Variants in IFFO2 observed in about 807,000 individuals in gnomAD.
IFFO2 encodes the protein intermediate filament family orphan 2.
A neutral mutation model predicts 53.5 loss-of-function variants in IFFO2; 19 were observed. That is an observed-to-expected ratio of 0.36 (90% CI 0.25 to 0.52). The LOEUF is 0.52. Among genes scored for constraint, IFFO2 ranks in the 20% least tolerant of loss-of-function variants. The probability of loss-of-function intolerance (pLI) is 0.94; values close to 1 mark genes in which losing one functional copy is unlikely to be tolerated. For synonymous variants in IFFO2, 303 were observed against 313.6 expected (o/e 0.97, Z 0.36); for missense variants, 570 against 727.4 (o/e 0.78, Z 2.49).
rs1198710976 is a variant in IFFO2 at position 18,906,000 on chromosome 1, T to C, written c.*2561A>G. ...TCTTTCTTGGCAAGCTGTGGGCTCA[T>C]GGTGAGGGGACAAGCAGGGCCCACT... On this transcript the variant is annotated 3_prime_UTR_variant, in exon 9 of 9. Coordinates refer to ENST00000455833, the MANE Select transcript of IFFO2 (RefSeq NM_001136265.2). 6.6e-6 allele frequency: 1 copy of C among 152,176 alleles called. No homozygotes were observed. Among genetic ancestry groups the C allele is most frequent in the African/African-American group, 2.4e-5 (1 of 41,418 alleles). 9.4% of individuals were successfully genotyped at this position (152,176 alleles called of 1,614,324 possible). A position where few individuals can be genotyped will look rare whatever the true frequency, so the allele number is the denominator to read the frequency against.
At position 18,918,065 on chromosome 1, in the gene IFFO2, G is replaced by T. The variant is rs914469952; in HGVS notation, c.963+297C>A. On this transcript the variant is annotated intron_variant, in intron 4 of 8. Coordinates refer to ENST00000455833, the MANE Select transcript of IFFO2 (RefSeq NM_001136265.2). The surrounding 1 kb of genome is among the most constrained non-coding windows in gnomAD (Gnocchi z 5.2). Reference sequence around the variant, plus strand: ...GGTACAGTGTGGGCTGGTGAACCAAGCCCTGGAGGGGCAGGAGACTGATTT... The same window carrying T: ...GGTACAGTGTGGGCTGGTGAACCAATCCCTGGAGGGGCAGGAGACTGATTT... Among the ~76,000 whole-genome samples, 1 of 152,210 alleles carries T rather than the reference G, an allele frequency of 6.6e-6. No individual in the cohort carries two copies. The highest frequency in any genetic ancestry group is 1.5e-5 in the Non-Finnish European group (1 of 68,040).
chr1:18,925,840 ATGGATGGATGGAT>A (rs1936277968), intron 1 of IFFO2, among the ~76,000 whole-genome samples: 1 of 62,426 alleles, frequency 1.6e-5, no homozygotes, highest in Non-Finnish European at 3.3e-5. Context: ...GGATGGATGG[ATGGATGGATGGAT>A]TGGTTGGATG....
At chr1:18,935,193 C>T (rs1426342440) in intron 1 of IFFO2, among the ~76,000 whole-genome samples, 2 of 152,194 alleles carry the variant, frequency 1.3e-5, no homozygotes, top group Non-Finnish European at 1.5e-5. Flanking sequence ...CCGTTGGGTG[C>T]AGGAAGACTC....
At chr1:18,937,392 C>G (rs1936463899) in intron 1 of IFFO2, among the ~76,000 whole-genome samples, 1 of 152,182 alleles carries the variant, frequency 6.6e-6, no homozygotes, top group Non-Finnish European at 1.5e-5. Flanking sequence ...GGGATGGACT[C>G]ATTACTTAAT....
At chr1:18,950,968 G>T (rs1936652625) in intron 1 of IFFO2, among the ~76,000 whole-genome samples, 1 of 152,156 alleles carries the variant, frequency 6.6e-6, no homozygotes, top group African/African-American at 2.4e-5. Flanking sequence ...ACAAAGCCTC[G>T]ACTGCTGGCG....
At chr1:18,933,574 T>G (rs1936407671) in intron 1 of IFFO2, among the ~76,000 whole-genome samples, 1 of 152,130 alleles carries the variant, frequency 6.6e-6, no homozygotes, top group Non-Finnish European at 1.5e-5. Flanking sequence ...CAGACCAGCC[T>G]GGGCAACATG....
rs1031068397 is a variant in IFFO2 at position 18,930,909 on chromosome 1, G to A, written c.666-9788C>T. On this transcript the variant is annotated intron_variant, in intron 1 of 8. Coordinates refer to ENST00000455833, the MANE Select transcript of IFFO2 (RefSeq NM_001136265.2). ...GGAGAGGCTGAACATGGTGGCTCAC[G>A]GCTGTAATCCCAACACTTTGGGAGG... 5.9e-5 allele frequency among the ~76,000 whole-genome samples: 9 copies of A among 152,286 alleles called. No homozygotes were observed. In the East Asian group the frequency reaches 1.3e-3, roughly 23 times the overall value.
chr1:18,908,841 C>T (rs903043380), intron 8 of IFFO2, among the ~76,000 whole-genome samples, 175 bp from the exon 9 acceptor site: 2 of 152,164 alleles, frequency 1.3e-5, no homozygotes, highest in African/African-American at 2.4e-5. Flanking sequence ...GAGGTAACCC[C>T]CTGCACCAGC....
At chr1:18,923,476 C>A (rs1030191511) in intron 1 of IFFO2, among the ~76,000 whole-genome samples, 3 of 152,222 alleles carry the variant, frequency 2.0e-5, no homozygotes, top group South Asian at 2.1e-4. Context: ...AGCAACAGCA[C>A]CAGCAACCAT....
At chr1:18,926,001 TTGGTTGGATGGA>T (rs1557643268) in intron 1 of IFFO2, among the ~76,000 whole-genome samples, 11 of 11,538 alleles carry the variant, frequency 9.5e-4, no homozygotes, top group African/African-American at 3.6e-3. Flanking sequence ...GATGGATGGA[TTGGTTGGATGGA>T]TGGATGGATG....
intron 1 of IFFO2, among the ~76,000 whole-genome samples, chr1:18,939,437 C>T (rs1302811533): frequency 6.6e-6 from 1 of 152,220 alleles, no homozygotes; most frequent in African/African-American, 2.4e-5. Context: ...GGACATGTTG[C>T]TCAACCTCTC....
At chr1:18,925,279 C>A (rs1040346720) in intron 1 of IFFO2, among the ~76,000 whole-genome samples, 4 of 152,192 alleles carry the variant, frequency 2.6e-5, no homozygotes, top group Non-Finnish European at 5.9e-5. Flanking sequence ...AAACCCTAGC[C>A]ATTCTCCCAG....
intron 1 of IFFO2, among the ~76,000 whole-genome samples, chr1:18,937,335 C>G (rs1194794218): frequency 6.6e-6 from 1 of 152,232 alleles, no homozygotes; most frequent in Non-Finnish European, 1.5e-5. Flanking sequence ...GGTAATTAGA[C>G]TGCAAACACG....
chr1:18,954,793 T>C (rs1379596730), intron 1 of IFFO2, among the ~76,000 whole-genome samples: 17 of 152,246 alleles, frequency 1.1e-4, no homozygotes, highest in Admixed American at 1.1e-3. Flanking sequence ...CACTGGCCAG[T>C]CTTGCAGAGT....
rs142611848 is a variant in IFFO2, at chr1:18,951,162, G to A, written c.665+4506C>T. ...AAACAGCAGAACCCTTTTTAAAATG[G>A]AATACTTTTTGGACAGTCTGGGAGT... On this transcript the variant is annotated intron_variant, in intron 1 of 8. Coordinates refer to ENST00000455833, the MANE Select transcript of IFFO2 (RefSeq NM_001136265.2). 1.4e-3 allele frequency among the ~76,000 whole-genome samples: 208 copies of A among 152,238 alleles called. 1 individual carries two copies. Among genetic ancestry groups the A allele is most frequent in the Middle Eastern group, 0.014 (4 of 294 alleles).
At chr1:18,949,252 G>C (rs1017486275) in intron 1 of IFFO2, among the ~76,000 whole-genome samples, 4 of 152,244 alleles carry the variant, frequency 2.6e-5, no homozygotes, top group African/African-American at 9.6e-5. Context: ...ACCTTGGCCA[G>C]GTCCTGGCTG....
At position 18,919,250 on chromosome 1, in the gene IFFO2, G is replaced by T. The variant is rs1302093961; in HGVS notation, c.822+428C>A. On this transcript the variant is annotated intron_variant, in intron 3 of 8. Coordinates refer to ENST00000455833, the MANE Select transcript of IFFO2 (RefSeq NM_001136265.2). This position sits in a 1 kb window ranked among gnomAD's most constrained non-coding sequence, Gnocchi z 4.9. ...CGCACTGGCCTTTCCTGACCTCATG[G>T]AGCAACCCTGCCAAAGGCCGCTGGG... is the stretch of plus-strand genomic sequence containing the variant. 6.6e-6 allele frequency among the ~76,000 whole-genome samples: 1 copy of T among 152,180 alleles called. No homozygotes were observed. The highest frequency in any genetic ancestry group is 1.5e-5 in the Non-Finnish European group (1 of 68,036).
Position 18,956,267 on chromosome 1 carries a change from G to T in IFFO2, c.66C>A (p.Gly22=). ...LAFGCPPGGG[G]GGCPGGGGGG... Reference sequence around the variant, plus strand: ...CGCCGCCCCCGCCAGGGCAGCCCCCGCCGCCGCCGCCCGGCGGGCAGCCGA... The same window carrying T: ...CGCCGCCCCCGCCAGGGCAGCCCCCTCCGCCGCCGCCCGGCGGGCAGCCGA... Residue 22 remains glycine (G), a synonymous_variant, in exon 1 of 9, where the codon GGC becomes GGA. Transcript: ENST00000455833. This position sits in a 1 kb window ranked among gnomAD's most constrained non-coding sequence, Gnocchi z 6.4. The T allele has an allele frequency of 1.2e-6, 1 of 825,650 alleles. No homozygotes were observed. 51.1% of individuals were successfully genotyped at this position (825,650 alleles called of 1,614,324 possible).
intron 1 of IFFO2, among the ~76,000 whole-genome samples, chr1:18,948,453 C>T (rs1481859990): frequency 6.6e-6 from 1 of 152,232 alleles, no homozygotes; most frequent in Non-Finnish European, 1.5e-5. Flanking sequence ...CAGACCAGGA[C>T]CTGGGCTCCA....
Sources: allele counts gnomAD v4.1 joint callset (sites outside exome capture counted in the v4.1 genomes callset), GRCh38; gene constraint gnomAD v4.1.1; non-coding constraint Gnocchi (gnomAD v3.1); transcripts MANE v1.5; gene names NCBI Gene and HGNC (gene_info 2026-07-23, HGNC 2026-07-21).